Variants in BMPR2 observed in about 807,000 individuals in gnomAD.
BMPR2 encodes the protein bone morphogenetic protein receptor type 2.
Under a neutral mutation model 100.8 loss-of-function variants are expected in BMPR2, and 29 were observed. The observed-to-expected ratio is 0.29, with a 90% confidence interval of 0.21 to 0.39. The LOEUF is 0.39. Among genes scored for constraint, BMPR2 ranks in the 10% least tolerant of loss-of-function variants. The pLI is 1.00. For missense variants in BMPR2, 1,011 were observed against 1,274.5 expected (o/e 0.79, Z 3.15); for synonymous variants, 382 against 442.3 (o/e 0.86, Z 1.71).
intron 1 of BMPR2, among the ~76,000 whole-genome samples, chr2:202,399,779 T>C (rs1223097631): frequency 6.6e-6 from 1 of 152,176 alleles, no homozygotes; most frequent in East Asian, 1.9e-4. Context: ...TTCTCTAATA[T>C]ACTGTTTTTT....
Position 202,555,420 on chromosome 2 carries a change from T to C in BMPR2, c.1755T>C (p.Asn585=), listed in dbSNP as rs142859721. The C allele has an allele frequency of 1.9e-6, 3 of 1,613,952 alleles. No homozygotes were observed. Among genetic ancestry groups the C allele is most frequent in the African/African-American group, 1.3e-5 (1 of 74,886 alleles). ...TGACTATAGGGGAAAAAAACCGAAA[T>C]TCAATTAACTATGAACGACAGCAAG... The part of the protein sequence containing the change: ...TPLTIGEKNR[N]SINYERQQAQ... The change falls in exon 12 of 13, where the codon AAT becomes AAC. Residue 585 remains asparagine (N), a synonymous_variant. Transcript: ENST00000374580.
intron 3 of BMPR2, among the ~76,000 whole-genome samples, chr2:202,496,704 G>A (rs1167065778): frequency 5.3e-5 from 8 of 152,150 alleles, no homozygotes; most frequent in Admixed American, 5.2e-4. Context: ...GACCCTATGG[G>A]GAAAAAATAA....
In BMPR2 at chr2:202,377,245, G is replaced by C; in HGVS notation, c.-230G>C. The C allele has an allele frequency of 1.6e-6, 1 of 615,690 alleles. No individual in the cohort carries two copies. Among genetic ancestry groups the C allele is most frequent in the Non-Finnish European group, 2.9e-6 (1 of 340,776 alleles). 38.1% of individuals were successfully genotyped at this position (615,690 alleles called of 1,614,324 possible). Reference sequence around the variant, plus strand: ...TTTGGAGGGCCGCGGCACCCCGTCCGAGGCGAAGGAACCCCCCCAGCCGCG... The same window carrying C: ...TTTGGAGGGCCGCGGCACCCCGTCCCAGGCGAAGGAACCCCCCCAGCCGCG... On this transcript the variant is annotated 5_prime_UTR_variant, in exon 1 of 13. Transcript: ENST00000374580.
At chr2:202,537,083 A>G (rs1223101399) in intron 9 of BMPR2, among the ~76,000 whole-genome samples, 2 of 151,870 alleles carry the variant, frequency 1.3e-5, no homozygotes, top group African/African-American at 4.8e-5. Flanking sequence ...TTTTGTCGAG[A>G]CAGTGTTTTG....
chr2:202,556,646 T>C, intron 12 of BMPR2, 115 bp downstream of exon 12: 2 of 1,299,772 alleles, frequency 1.5e-6, no homozygotes, highest in Non-Finnish European at 1.1e-6. Flanking sequence ...TTTACCACTT[T>C]TGTAAATGAT....
chr2:202,476,315 T>C (rs1175086742), intron 3 of BMPR2, among the ~76,000 whole-genome samples: 3 of 152,166 alleles, frequency 2.0e-5, no homozygotes, highest in Non-Finnish European at 4.4e-5. Flanking sequence ...ATGTGCTCTC[T>C]GATTACTGAG....
intron 1 of BMPR2, among the ~76,000 whole-genome samples, chr2:202,421,766 A>G (rs1379909498): frequency 1.3e-5 from 2 of 151,490 alleles, no homozygotes; most frequent in East Asian, 1.9e-4. Flanking sequence ...TTCCACTAGA[A>G]GATTCATAGA....
In BMPR2 at chr2:202,503,407, G is replaced by A. The variant is rs1357934115; in HGVS notation, c.419-10312G>A. 1.3e-5 allele frequency among the ~76,000 whole-genome samples: 2 copies of A among 152,242 alleles called. No individual in the cohort carries two copies. The highest frequency in any genetic ancestry group is 2.9e-5 in the Non-Finnish European group (2 of 68,036). On this transcript the variant is annotated intron_variant, in intron 3 of 12. Coordinates refer to ENST00000374580, the MANE Select transcript of BMPR2 (RefSeq NM_001204.7). The surrounding 1 kb of genome is among the most constrained non-coding windows in gnomAD (Gnocchi z 4.0). ...GGGAGAGGCGCAAGCAGGAACCGGG[G>A]CGGCGTGCCGCGCTTGCGGGCCAGC... is the stretch of plus-strand genomic sequence containing the variant.
chr2:202,495,327 C>A lies in BMPR2; in HGVS notation c.419-18392C>A, dbSNP rs1014536557. ...AGATGGTTTTCTCCTGGAGTTGGGC[C>A]GCTTGGTGGCCAGGGCTCTCCTCCG... On this transcript the variant is annotated intron_variant, in intron 3 of 12. Coordinates refer to ENST00000374580, the MANE Select transcript of BMPR2 (RefSeq NM_001204.7). This position sits in a 1 kb window ranked among gnomAD's most constrained non-coding sequence, Gnocchi z 4.5. 1.3e-5 allele frequency among the ~76,000 whole-genome samples: 2 copies of A among 152,270 alleles called. No individual in the cohort carries two copies. The highest frequency in any genetic ancestry group is 3.9e-4 in the East Asian group (2 of 5,182).
chr2:202,390,167 G>A (rs1408263526), intron 1 of BMPR2, among the ~76,000 whole-genome samples: 1 of 152,034 alleles, frequency 6.6e-6, no homozygotes, highest in Non-Finnish European at 1.5e-5. Context: ...TGCGTATATT[G>A]TACATAAAGT....
chr2:202,457,525 T>C (rs1027481185), intron 1 of BMPR2, among the ~76,000 whole-genome samples: 1 of 147,382 alleles, frequency 6.8e-6, no homozygotes, highest in African/African-American at 2.5e-5. Flanking sequence ...TAAAGATATA[T>C]TATTTTTAGC....
At chr2:202,437,660 TC>T (rs966018954) in intron 1 of BMPR2, among the ~76,000 whole-genome samples, 1 of 150,564 alleles carries the variant, frequency 6.6e-6, no homozygotes, top group Non-Finnish European at 1.5e-5. Context: ...TAATCTACTT[TC>T]TGTCTCAAAT....
chr2:202,532,726 T>C lies in BMPR2; in HGVS notation c.1270T>C (p.Phe424Leu). 3 of 1,612,414 alleles carry C rather than the reference T, an allele frequency of 1.9e-6. No homozygotes were observed. Among genetic ancestry groups the C allele is most frequent in the Non-Finnish European group, 1.7e-6 (2 of 1,179,876 alleles). Residue 424 changes from phenylalanine (F) to leucine (L), a missense_variant, in exon 9 of 13, where the codon TTC becomes CTC. Coordinates refer to ENST00000374580, the MANE Select transcript of BMPR2 (RefSeq NM_001204.7). This position sits in a 1 kb window ranked among gnomAD's most constrained non-coding sequence, Gnocchi z 4.1. ...GATATTTATGAGATGTACAGACCTC[T>C]TCCCAGGTAAAAACTACTGTCAAAA... Reference protein sequence around the residue: ...WEIFMRCTDLFPGESVPEYQM... With the variant: ...WEIFMRCTDLLPGESVPEYQM...
At chr2:202,519,135 G>T in intron 6 of BMPR2, 83 bp downstream of exon 6, 1 of 1,408,658 alleles carries the variant, frequency 7.1e-7, no homozygotes, top group Non-Finnish European at 1.0e-6. Context: ...GCTAAGGCAG[G>T]TGGATCACTT....
At chr2:202,531,781 A>T (rs1426117674) in intron 8 of BMPR2, among the ~76,000 whole-genome samples, 1 of 151,924 alleles carries the variant, frequency 6.6e-6, no homozygotes, top group Non-Finnish European at 1.5e-5. Flanking sequence ...ATAGGCATGT[A>T]CCACCATGTC....
intron 1 of BMPR2, among the ~76,000 whole-genome samples, chr2:202,441,717 CAAAAA>C (rs33963123): frequency 4.1e-4 from 18 of 43,992 alleles, no homozygotes; most frequent in Admixed American, 1.9e-3. Context: ...GACTCCGTCT[CAAAAA>C]AAAAAAAAAA....
At chr2:202,394,435 A>G (rs1690619728) in intron 1 of BMPR2, among the ~76,000 whole-genome samples, 1 of 152,132 alleles carries the variant, frequency 6.6e-6, no homozygotes, top group Non-Finnish European at 1.5e-5. Flanking sequence ...ACCATATTAG[A>G]TGCTTACTAG....
intron 1 of BMPR2, among the ~76,000 whole-genome samples, chr2:202,417,311 T>C (rs1691153394): frequency 6.6e-6 from 1 of 152,174 alleles, no homozygotes; most frequent in South Asian, 2.1e-4. Flanking sequence ...TAATTTATTT[T>C]TTTTGAGACG....
intron 3 of BMPR2, among the ~76,000 whole-genome samples, chr2:202,497,943 T>C (rs923315824): frequency 6.6e-6 from 1 of 152,156 alleles, no homozygotes; most frequent in Non-Finnish European, 1.5e-5. Context: ...AATTTTAGGA[T>C]CCCTCCTCAG....
Sources: allele counts gnomAD v4.1 joint callset (sites outside exome capture counted in the v4.1 genomes callset), GRCh38; gene constraint gnomAD v4.1.1; non-coding constraint Gnocchi (gnomAD v3.1); transcripts MANE v1.5; gene names NCBI Gene and HGNC (gene_info 2026-07-23, HGNC 2026-07-21).